Variants in NOL4 observed in about 807,000 individuals in gnomAD.
NOL4 encodes the protein nucleolar protein 4.
NOL4 carries 17 observed loss-of-function variants against 75.9 expected under a neutral mutation model. The observed-to-expected ratio is 0.22, with a 90% CI of 0.15 to 0.34. The LOEUF is 0.34. Among genes scored for constraint, NOL4 ranks in the 10% least tolerant of loss-of-function variants. The pLI is 1.00. For synonymous variants in NOL4, 292 were observed against 289.9 expected (o/e 1.01, Z -0.07); for missense variants, 614 against 793.5 (o/e 0.77, Z 2.72).
At chr18:33,916,660 T>A (rs1297257809) in intron 9 of NOL4, among the ~76,000 whole-genome samples, 1 of 152,218 alleles carries the variant, frequency 6.6e-6, no homozygotes, top group Non-Finnish European at 1.5e-5. Context: ...ATATTCAAAT[T>A]AAAAATGTAC....
intron 10 of NOL4, among the ~76,000 whole-genome samples, chr18:33,878,309 C>A (rs1424455993): frequency 6.6e-6 from 1 of 151,976 alleles, no homozygotes; most frequent in Non-Finnish European, 1.5e-5. Context: ...GTGTATTATT[C>A]TTTTCCTTAT....
intron 6 of NOL4, among the ~76,000 whole-genome samples, chr18:34,009,938 T>C (rs920640540): frequency 6.6e-6 from 1 of 151,884 alleles, no homozygotes; most frequent in Non-Finnish European, 1.5e-5. Flanking sequence ...ATTACATAAG[T>C]TAGTTATTAG....
intron 4 of NOL4, among the ~76,000 whole-genome samples, chr18:34,094,796 G>C (rs767969115): frequency 1.8e-4 from 28 of 152,098 alleles, no homozygotes; most frequent in Non-Finnish European, 1.6e-4. Flanking sequence ...CTATGAATTA[G>C]CTATAAATTT....
intron 5 of NOL4, among the ~76,000 whole-genome samples, chr18:34,041,512 GAA>G (rs11454269): frequency 6.8e-6 from 1 of 146,782 alleles, no homozygotes; most frequent in Non-Finnish European, 1.5e-5. Context: ...TAGCTAAAAT[GAA>G]AAAAAAAAGC....
At chr18:34,048,875 T>C (rs2076502713) in intron 5 of NOL4, among the ~76,000 whole-genome samples, 1 of 152,136 alleles carries the variant, frequency 6.6e-6, no homozygotes, top group African/African-American at 2.4e-5. Context: ...TTTTCAGTTT[T>C]AATAATTTTC....
intron 1 of NOL4, among the ~76,000 whole-genome samples, chr18:34,175,127 C>T (rs989827143): frequency 6.6e-6 from 1 of 152,176 alleles, no homozygotes; most frequent in Non-Finnish European, 1.5e-5. Flanking sequence ...GCACTATTCA[C>T]AATGGCCCAC....
chr18:34,222,033 A>AAAG (rs2037348476), intron 1 of NOL4: 7 of 1,535,456 alleles, frequency 4.6e-6, no homozygotes, highest in Non-Finnish European at 5.2e-6. Context: ...GGCATGATGC[A>AAAG]GAAAGGTCTC....
intron 1 of NOL4, among the ~76,000 whole-genome samples, chr18:34,194,709 T>C (rs1227718255): frequency 6.6e-6 from 1 of 152,074 alleles, no homozygotes; most frequent in Non-Finnish European, 1.5e-5. Context: ...ATAAATAATT[T>C]TTGCATGTAA....
At chr18:34,149,526 T>G (rs1351810661) in intron 1 of NOL4, among the ~76,000 whole-genome samples, 1 of 151,588 alleles carries the variant, frequency 6.6e-6, no homozygotes, top group African/African-American at 2.4e-5. Context: ...TTAATCAGAA[T>G]AGCTATGATA....
chr18:33,863,321 A>T (rs1004689314), intron 10 of NOL4, among the ~76,000 whole-genome samples: 1 of 152,142 alleles, frequency 6.6e-6, no homozygotes, highest in Non-Finnish European at 1.5e-5. Flanking sequence ...ACCTAATGCT[A>T]GATGATGAGT....
intron 6 of NOL4, among the ~76,000 whole-genome samples, chr18:34,004,449 C>T (rs908871506): frequency 1.3e-5 from 2 of 152,080 alleles, no homozygotes; most frequent in African/African-American, 2.4e-5. Context: ...GTAATGACAG[C>T]ACCTTTTAAT....
chr18:34,162,650 A>T (rs1309234314), intron 1 of NOL4, among the ~76,000 whole-genome samples: 1 of 152,140 alleles, frequency 6.6e-6, no homozygotes, highest in African/African-American at 2.4e-5. Context: ...GCTGAATTCT[A>T]CCAGAGGAGG....
chr18:34,037,976 T>C (rs2075982367), intron 5 of NOL4, among the ~76,000 whole-genome samples: 1 of 152,028 alleles, frequency 6.6e-6, no homozygotes, highest in African/African-American at 2.4e-5. Context: ...TAGGAGAGAA[T>C]ATGTGCAAAC....
intron 6 of NOL4, among the ~76,000 whole-genome samples, chr18:34,017,714 T>C (rs950689911): frequency 6.6e-6 from 1 of 152,170 alleles, no homozygotes; most frequent in Non-Finnish European, 1.5e-5. Context: ...CATTGTCCAT[T>C]GGAGCTGCCT....
intron 5 of NOL4, among the ~76,000 whole-genome samples, chr18:34,051,973 C>T (rs1225969469): frequency 6.6e-6 from 1 of 151,808 alleles, no homozygotes; most frequent in Admixed American, 6.6e-5. Flanking sequence ...AAGCACCATG[C>T]AACTAGGAAA....
chr18:33,970,552 G>C (rs2070966961), intron 6 of NOL4, among the ~76,000 whole-genome samples: 1 of 151,904 alleles, frequency 6.6e-6, no homozygotes, highest in East Asian at 1.9e-4. Flanking sequence ...TAAAATTAAG[G>C]CCTATAATTC....
At chr18:34,175,813 AAAC>A (rs1161716755) in intron 1 of NOL4, among the ~76,000 whole-genome samples, 4 of 152,132 alleles carry the variant, frequency 2.6e-5, no homozygotes, top group Admixed American at 6.6e-5. Flanking sequence ...AAAATTTACT[AAAC>A]AATTAACAAC....
intron 8 of NOL4, among the ~76,000 whole-genome samples, chr18:33,954,700 A>G (rs903278616): frequency 2.6e-5 from 4 of 152,052 alleles, no homozygotes; most frequent in African/African-American, 9.7e-5. Flanking sequence ...TAAGAACAAG[A>G]CTTTTCCTCT....
rs760310975 is a variant in NOL4, at chr18:33,957,480, C to T, written c.1274G>A (p.Arg425Gln). 2.5e-6 allele frequency: 4 copies of T among 1,613,308 alleles called. No individual in the cohort carries two copies. Among genetic ancestry groups the T allele is most frequent in the Admixed American group, 1.7e-5 (1 of 59,922 alleles). ...VRLFVDENLDRMVPISKQPKE... is the reference protein window; with the variant it reads ...VRLFVDENLDQMVPISKQPKE... ...GGGCTGCTTAGAGATTGGGACCATT[C>T]GGTCCAAGTTTTCATCTACAAACAG... Residue 425 changes from arginine (R) to glutamine (Q), a missense_variant, in exon 8 of 11, where the codon CGA becomes CAA. This residue lies in a region of NOL4 where 52 missense variants were observed against 121.1 expected (regional missense o/e 0.43). Transcript: ENST00000261592.
Sources: gnomAD v4.1 joint callset for allele counts (sites outside exome capture counted in the v4.1 genomes callset) on GRCh38, gnomAD v4.1.1 for gene constraint, gnomAD v4.1.1 regional missense constraint, MANE v1.5 for transcripts, NCBI Gene and HGNC (gene_info 2026-07-23, HGNC 2026-07-21) for gene names.